Variants in LMCD1 observed in about 807,000 individuals in gnomAD.
LMCD1 encodes LIM and cysteine rich domains 1, also known as LIM and cysteine-rich domains protein 1.
A neutral mutation model predicts 42.7 loss-of-function variants in LMCD1; 32 were observed. That is an observed-to-expected ratio of 0.75 (90% CI 0.57 to 1.01). The LOEUF is 1.01. Ranked by LOEUF, LMCD1 falls within the 50% of genes least tolerant of loss-of-function variation. LMCD1 has a pLI of 0.00. For synonymous variants in LMCD1, 178 were observed against 184.9 expected (o/e 0.96, Z 0.30); for missense variants, 458 against 483.1 (o/e 0.95, Z 0.49).
chr3:8,503,983 A>G (rs1436668285), intron 1 of LMCD1, among the ~76,000 whole-genome samples: 3 of 152,184 alleles, frequency 2.0e-5, no homozygotes, highest in African/African-American at 7.2e-5. Context: ...TCCTGATTAG[A>G]GGTGGAACAT....
chr3:8,543,404 TA>T (rs1694668744), intron 3 of LMCD1, among the ~76,000 whole-genome samples: 1 of 135,596 alleles, frequency 7.4e-6, no homozygotes, highest in African/African-American at 3.0e-5. Context: ...AGATGATAGA[TA>T]GATAGATAGA....
intron 1 of LMCD1, among the ~76,000 whole-genome samples, chr3:8,516,983 CATT>C (rs1487429897): frequency 1.3e-5 from 2 of 152,212 alleles, no homozygotes; most frequent in African/African-American, 4.8e-5. Context: ...TGTGCTACAT[CATT>C]TTTTGCTGAA....
chr3:8,562,872 G>C (rs1286906075), intron 4 of LMCD1, among the ~76,000 whole-genome samples: 3 of 152,184 alleles, frequency 2.0e-5, no homozygotes, highest in Admixed American at 2.0e-4. Context: ...CCAGGGCCTA[G>C]CACACAGTAG....
intron 1 of LMCD1, among the ~76,000 whole-genome samples, chr3:8,528,675 C>T (rs956749450): frequency 2.6e-5 from 4 of 152,168 alleles, no homozygotes; most frequent in African/African-American, 7.2e-5. Context: ...TTTCTAATTC[C>T]AAATCCCATG....
Position 8,512,973 on chromosome 3 carries a change from C to T in LMCD1, c.42+10993C>T, listed in dbSNP as rs1694029936. ...TTAAAAACTGTGTTGTGTAGAATCA[C>T]TTCCCCATAAACACAAGATGAGCTG... On this transcript the variant is annotated intron_variant, in intron 1 of 5. Coordinates refer to ENST00000157600, the MANE Select transcript of LMCD1 (RefSeq NM_014583.4). 2.6e-5 allele frequency among the ~76,000 whole-genome samples: 4 copies of T among 152,266 alleles called. No individual in the cohort carries two copies. In the South Asian group the frequency reaches 8.3e-4, roughly 32 times the overall value.
At chr3:8,530,085 C>G (rs901172527) in intron 1 of LMCD1, among the ~76,000 whole-genome samples, 5 of 152,196 alleles carry the variant, frequency 3.3e-5, no homozygotes, top group Non-Finnish European at 7.3e-5. Context: ...TGCTTGCTCT[C>G]TACCTCACTT....
At position 8,514,950 on chromosome 3, in the gene LMCD1, T is replaced by A. The variant is rs1040239598; in HGVS notation, c.42+12970T>A. On this transcript the variant is annotated intron_variant, in intron 1 of 5. Transcript: ENST00000157600. The stretch of plus-strand genomic sequence containing the variant: ...ATGGTGATCACATGGGATATACATA[T>A]AAAGTAATCGAGCGAATACTGGAGA... The A allele has an allele frequency of 8.8e-6, 4 of 456,684 alleles. No individual in the cohort carries two copies. In the Admixed American group the frequency reaches 9.4e-5, roughly 11 times the overall value. 28.3% of individuals were successfully genotyped at this position (456,684 alleles called of 1,614,324 possible). A position where few individuals can be genotyped will look rare whatever the true frequency, so the allele number is the denominator to read the frequency against.
At chr3:8,529,077 C>T (rs1694355312) in intron 1 of LMCD1, among the ~76,000 whole-genome samples, 1 of 152,204 alleles carries the variant, frequency 6.6e-6, no homozygotes, top group African/African-American at 2.4e-5. Flanking sequence ...CTGTGAGACA[C>T]TGTGCCGTCT....
chr3:8,562,993 C>T (rs997411499), intron 4 of LMCD1, among the ~76,000 whole-genome samples: 1 of 152,202 alleles, frequency 6.6e-6, no homozygotes, highest in African/African-American at 2.4e-5. Flanking sequence ...TTAGTCTAAA[C>T]CTGTCTCTAA....
rs1309257434 is a variant in LMCD1 at position 8,517,994 on chromosome 3, AT to A, written c.43-14740del. Among the ~76,000 whole-genome samples the A allele has an allele frequency of 5.3e-5, 8 of 152,250 alleles. No homozygotes were observed. In the East Asian group the frequency reaches 1.5e-3, roughly 29 times the overall value. On this transcript the variant is annotated intron_variant, in intron 1 of 5. Coordinates refer to ENST00000157600, the MANE Select transcript of LMCD1 (RefSeq NM_014583.4). Reference sequence around the variant, plus strand: ...CAAAGCATCTTACGTACATTAAAATATTTGATTCCTACAACCACCTCATGAA... The same window carrying A: ...CAAAGCATCTTACGTACATTAAAATATTGATTCCTACAACCACCTCATGAA...
rs907696467 is a variant in LMCD1 at position 8,547,575 on chromosome 3, T to C, written c.388-993T>C. 1.8e-4 allele frequency among the ~76,000 whole-genome samples: 27 copies of C among 152,310 alleles called. No individual in the cohort carries two copies. The East Asian group carries it at 5.0e-3, about 28-fold the overall frequency. On this transcript the variant is annotated intron_variant, in intron 3 of 5. Transcript: ENST00000157600. ...CTGAGAAATGTGTCCTCAGGTGATGTTGTCTTTGTGTGAATGTCAAAGAAT... is the reference window on the plus strand; with the variant it reads ...CTGAGAAATGTGTCCTCAGGTGATGCTGTCTTTGTGTGAATGTCAAAGAAT...
At chr3:8,521,230 G>A (rs150169683) in intron 1 of LMCD1, among the ~76,000 whole-genome samples, 3 of 152,200 alleles carry the variant, frequency 2.0e-5, no homozygotes, top group East Asian at 1.9e-4. Context: ...AGTCATCTTC[G>A]TGTTCGCCCT....
chr3:8,523,089 T>G (rs372521598), intron 1 of LMCD1, among the ~76,000 whole-genome samples: 33 of 152,360 alleles, frequency 2.2e-4, no homozygotes, highest in African/African-American at 7.0e-4. Context: ...CTCATTCTGT[T>G]GCTTTAAATA....
rs750134824 is a variant in LMCD1 at position 8,537,205 on chromosome 3, A to G, written c.152A>G (p.Lys51Arg). Residue 51 changes from lysine (K) to arginine (R), a missense_variant, in exon 3 of 6, where the codon AAA (lysine) becomes AGA (arginine). By Grantham distance (26) the Lys-to-Arg change is conservative. Coordinates refer to ENST00000157600, the MANE Select transcript of LMCD1 (RefSeq NM_014583.4). ...CCCAGGAAAATATGCAAGTCTTGCAAATGCAGCCAAGAGGACCACTGCCTA... is the reference window on the plus strand; with the variant it reads ...CCCAGGAAAATATGCAAGTCTTGCAGATGCAGCCAAGAGGACCACTGCCTA... Reference protein sequence around the residue: ...HSWRKICKSCKCSQEDHCLTS... With the variant: ...HSWRKICKSCRCSQEDHCLTS... The G allele has an allele frequency of 5.6e-6, 9 of 1,614,044 alleles. No homozygotes were observed. The highest frequency in any genetic ancestry group is 7.6e-6 in the Non-Finnish European group (9 of 1,179,938).
In LMCD1 at chr3:8,546,004, A is replaced by C. The variant is rs138884824; in HGVS notation, c.388-2564A>C. 5.9e-5 allele frequency among the ~76,000 whole-genome samples: 9 copies of C among 152,288 alleles called. No homozygotes were observed. The East Asian group carries it at 1.7e-3, about 29-fold the overall frequency. On this transcript the variant is annotated intron_variant, in intron 3 of 5. Transcript: ENST00000157600. The stretch of plus-strand genomic sequence containing the variant: ...TAGCCGGGTGTAATGGCTCACGCCT[A>C]TAATCCCAGCCACTCCGGATTCTCC...
At position 8,548,863 on chromosome 3, in the gene LMCD1, C is replaced by T. The variant is rs1157994065; in HGVS notation, c.683C>T (p.Thr228Ile). The T allele has an allele frequency of 6.4e-7, 1 of 1,563,344 alleles. No individual in the cohort carries two copies. Among genetic ancestry groups the T allele is most frequent in the South Asian group, 1.2e-5 (1 of 82,916 alleles). The part of the protein sequence containing the change: ...PEGAETTAAT[T>I]NGSLSDPSKE... ...GGGGCAGAGACCACTGCTGCTACCA[C>T]CAACGGCAGTCTCAGTGACCCGTCC... The change falls in exon 4 of 6, where the codon ACC becomes ATC. Residue 228 changes from threonine (T) to isoleucine (I), a missense_variant. By Grantham distance (89) the Thr-to-Ile change is moderately conservative. Transcript: ENST00000157600.
At chr3:8,519,263 G>C (rs957392997) in intron 1 of LMCD1, among the ~76,000 whole-genome samples, 14 of 152,154 alleles carry the variant, frequency 9.2e-5, no homozygotes, top group Admixed American at 8.5e-4. Flanking sequence ...GTGTCTGAGG[G>C]ATAAATAGAA....
intron 5 of LMCD1, 29 bp from the exon 6 acceptor site, chr3:8,567,411 T>C (rs1365458943): frequency 1.9e-6 from 3 of 1,607,536 alleles, no homozygotes; most frequent in Non-Finnish European, 2.6e-6. Context: ...AGAAACTGAG[T>C]CATGCATTTC....
At position 8,565,468 on chromosome 3, in the gene LMCD1, A is replaced by G; in HGVS notation, c.760A>G (p.Ser254Gly). 6.2e-7 allele frequency: 1 copy of G among 1,614,144 alleles called. No individual in the cohort carries two copies. Among genetic ancestry groups the G allele is most frequent in the East Asian group, 2.2e-5 (1 of 44,874 alleles). Residue 254 changes from serine (S) to glycine (G), a missense_variant, in exon 5 of 6, where the codon AGC becomes GGC. By Grantham distance (56) the Ser-to-Gly change is moderately conservative. Transcript: ENST00000157600. ...ELCKGAAPPD[S>G]PVVYSDRAGY... is the part of the protein sequence containing the mutation. Reference sequence around the variant, plus strand: ...CTGCAAGGGAGCGGCCCCTCCTGACAGCCCCGTGGTCTACTCGGACAGGGC... The same window carrying G: ...CTGCAAGGGAGCGGCCCCTCCTGACGGCCCCGTGGTCTACTCGGACAGGGC...
Sources: allele counts gnomAD v4.1 joint callset (sites outside exome capture counted in the v4.1 genomes callset), GRCh38; gene constraint gnomAD v4.1.1; transcripts MANE v1.5; gene names NCBI Gene and HGNC (gene_info 2026-07-23, HGNC 2026-07-21).